DCAF8L2: variants seen among roughly 807,000 people sequenced by gnomAD.
The protein encoded by DCAF8L2 is DDB1- and CUL4-associated factor 8-like protein 2.
For synonymous variants in DCAF8L2, 200 were observed against 190.9 expected (o/e 1.05, Z -0.39); for missense variants, 430 against 490.7 (o/e 0.88, Z 1.17).
At chrX:27,614,382 G>A (rs1361458261) in intron 1 of DCAF8L2, among the ~76,000 whole-genome samples, 1 of 110,388 alleles carries the variant, frequency 9.1e-6, no homozygotes, top group African/African-American at 3.3e-5. Context: ...TATCAATTTT[G>A]TTGATCTTTT....
At chrX:27,590,643 T>C (rs1926027885) in intron 1 of DCAF8L2, among the ~76,000 whole-genome samples, 1 of 110,890 alleles carries the variant, frequency 9.0e-6, no homozygotes, top group African/African-American at 3.3e-5. Flanking sequence ...TGAGAAATCT[T>C]ACTTGTTTTT....
intron 1 of DCAF8L2, among the ~76,000 whole-genome samples, chrX:27,599,042 G>T (rs1426910033): frequency 9.3e-6 from 1 of 108,064 alleles, no homozygotes; most frequent in Non-Finnish European, 1.9e-5. Context: ...TTGAGGTTAA[G>T]ATCTCAAAGA....
intron 1 of DCAF8L2, among the ~76,000 whole-genome samples, chrX:27,611,105 A>G (rs906991891): frequency 3.6e-5 from 4 of 111,385 alleles, no homozygotes; most frequent in Middle Eastern, 4.6e-3. Context: ...CATTGATTCA[A>G]TGATATTGTG....
At chrX:27,545,376 AAAG>A in the DCAF8L2 span, among the ~76,000 whole-genome samples, 1 of 112,242 alleles carries the variant, frequency 8.9e-6, no homozygotes, top group East Asian at 2.8e-4. Context: ...CTCGACAACA[AAAG>A]AATATGCTAT....
the DCAF8L2 span, among the ~76,000 whole-genome samples, chrX:27,542,668 A>G: frequency 2.0e-5 from 2 of 99,824 alleles, no homozygotes; most frequent in East Asian, 6.4e-4. Flanking sequence ...TCAGCCTCCC[A>G]AGTAGCTGGG....
At chrX:27,549,798 G>T in the DCAF8L2 span, among the ~76,000 whole-genome samples, 1 of 111,291 alleles carries the variant, frequency 9.0e-6, no homozygotes, top group Non-Finnish European at 1.9e-5. Context: ...TCCCCCAGGG[G>T]ACCTAAGCAT....
the DCAF8L2 span, among the ~76,000 whole-genome samples, chrX:27,527,888 G>A: frequency 9.2e-6 from 1 of 108,697 alleles, no homozygotes; most frequent in East Asian, 2.9e-4. Flanking sequence ...CTGACCTCAG[G>A]TGGTCAGCCC....
intron 3 of DCAF8L2, among the ~76,000 whole-genome samples, chrX:27,709,093 A>AT (rs762547960): frequency 1.8e-5 from 2 of 110,388 alleles, no homozygotes; most frequent in African/African-American, 3.3e-5. Flanking sequence ...CTAATTTGGT[A>AT]TTTTTTTAGT....
chrX:27,603,970 C>T (rs1440900563), intron 1 of DCAF8L2, among the ~76,000 whole-genome samples: 1 of 111,608 alleles, frequency 9.0e-6, no homozygotes, highest in Non-Finnish European at 1.9e-5. Flanking sequence ...GAATAATACT[C>T]TTCCTCAATT....
At chrX:27,517,818 G>C in the DCAF8L2 span, 1 of 1,086,126 alleles carries the variant, frequency 9.2e-7, no homozygotes, top group Non-Finnish European at 1.3e-6. Context: ...TGTCGAATCT[G>C]TCGCAGAGTC....
intron 4 of DCAF8L2, among the ~76,000 whole-genome samples, chrX:27,733,309 G>A (rs1354021182): frequency 3.6e-5 from 4 of 111,717 alleles, no homozygotes; most frequent in Non-Finnish European, 5.6e-5. Context: ...TGATATATTT[G>A]TTGACCATAT....
In DCAF8L2 at chrX:27,749,770, T is replaced by C. The variant is rs1478971143; in HGVS notation, c.*979T>C. Reference sequence around the variant, plus strand: ...AATAAAGATTGTTTATACTTACACATAACCATTTGGTGTAATTGGTAGAAA... The same window carrying C: ...AATAAAGATTGTTTATACTTACACACAACCATTTGGTGTAATTGGTAGAAA... On this transcript the variant is annotated 3_prime_UTR_variant, in exon 5 of 5. Coordinates refer to ENST00000451261, the MANE Select transcript of DCAF8L2 (RefSeq NM_001353450.2). Among the ~76,000 whole-genome samples, 2 of 112,341 alleles carry C rather than the reference T, an allele frequency of 1.8e-5. No homozygotes were observed. The highest frequency in any genetic ancestry group is 6.5e-5 in the African/African-American group (2 of 30,907).
chrX:27,497,593 A>T, the DCAF8L2 span, among the ~76,000 whole-genome samples: 1 of 83,078 alleles, frequency 1.2e-5, no homozygotes, highest in East Asian at 3.9e-4. Context: ...CTTTCCAATG[A>T]AGTCTCACTC....
the DCAF8L2 span, among the ~76,000 whole-genome samples, chrX:27,583,284 C>G: frequency 5.1e-4 from 57 of 111,587 alleles, no homozygotes; most frequent in Admixed American, 2.7e-3. Context: ...TCAACAATCC[C>G]CCGTTCCCTT....
the DCAF8L2 span, chrX:27,519,332 G>A: frequency 3.1e-5 from 35 of 1,123,249 alleles, no homozygotes; most frequent in Non-Finnish European, 3.7e-5. Context: ...GAAAAGGAGC[G>A]TCGAGCTGCT....
chrX:27,581,667 C>G, the DCAF8L2 span, among the ~76,000 whole-genome samples: 4 of 109,078 alleles, frequency 3.7e-5, no homozygotes, highest in Non-Finnish European at 5.7e-5. Flanking sequence ...CACTGCAGCC[C>G]CCACCTCCCG....
intron 2 of DCAF8L2, among the ~76,000 whole-genome samples, chrX:27,656,511 T>G (rs1261957090): frequency 9.0e-6 from 1 of 111,617 alleles, no homozygotes; most frequent in Non-Finnish European, 1.9e-5. Context: ...TACCTCCATG[T>G]GGCTTAAAAC....
rs140461313 is a variant in DCAF8L2, at chrX:27,621,651, G to A, written c.-341-10228G>A. ...ACGTACACCCCCACACCCATACAGC[G>A]TGTATAAGATACCAGGTGTAGGCTA... On this transcript the variant is annotated intron_variant, in intron 1 of 4. Transcript: ENST00000451261. 3.2e-3 allele frequency among the ~76,000 whole-genome samples: 358 copies of A among 111,300 alleles called. 3 individuals are homozygous for A. The highest frequency in any genetic ancestry group is 9.2e-3 in the Middle Eastern group (2 of 217).
At chrX:27,509,547 T>G in the DCAF8L2 span, among the ~76,000 whole-genome samples, 2 of 112,211 alleles carry the variant, frequency 1.8e-5, no homozygotes, top group African/African-American at 6.5e-5. Flanking sequence ...CGAAAACAAT[T>G]GCAGGTTGTC....
Sources: allele counts gnomAD v4.1 joint callset (sites outside exome capture counted in the v4.1 genomes callset), GRCh38; gene constraint gnomAD v4.1.1; transcripts MANE v1.5; gene names NCBI Gene and HGNC (gene_info 2026-07-23, HGNC 2026-07-21).